The following SMG6 variants were observed in gnomAD, a reference collection of about 807,000 sequenced individuals.
The protein encoded by SMG6 is telomerase-binding protein EST1A.
In SMG6, 66 loss-of-function variants were observed where a neutral mutation model predicts 142.2. The observed-to-expected ratio is 0.46, with a 90% CI of 0.38 to 0.57. SMG6 has a LOEUF of 0.57. Among genes scored for constraint, SMG6 ranks in the 20% least tolerant of loss-of-function variants. The pLI, the probability that SMG6 is intolerant of heterozygous loss-of-function variation, is 0.00. For missense variants in SMG6, 1,793 were observed against 1,832.0 expected, an observed-to-expected ratio of 0.98 and a Z score of 0.39; for synonymous variants, 779 against 702.4, an observed-to-expected ratio of 1.11 and a Z score of -1.72.
intron 10 of SMG6, among the ~76,000 whole-genome samples, chr17:2,189,404 C>G (rs951954121): frequency 1.3e-5 from 2 of 152,166 alleles, no homozygotes; most frequent in Non-Finnish European, 2.9e-5. Context: ...TCGAGAGGAG[C>G]TGGTGACACA....
chr17:2,061,244 G>A lies in SMG6; in HGVS notation c.*248C>T, dbSNP rs2067765552. 2.3e-6 allele frequency: 1 copy of A among 442,700 alleles called. No individual in the cohort carries two copies. Among genetic ancestry groups the A allele is most frequent in the South Asian group, 2.6e-5 (1 of 39,104 alleles). 27.4% of individuals were successfully genotyped at this position (442,700 alleles called of 1,614,324 possible). A position where few individuals can be genotyped will look rare whatever the true frequency, so the allele number is the denominator to read the frequency against. On this transcript the variant is annotated 3_prime_UTR_variant, in exon 19 of 19. Coordinates refer to ENST00000263073, the MANE Select transcript of SMG6 (RefSeq NM_017575.5). ...TCTGGCTTGCCCAGCTGCTGTTGCT[G>A]TAGCCAGCCACCTCCCTGCTAAATC...
chr17:2,158,019 AACC>A (rs1173192658), intron 13 of SMG6, among the ~76,000 whole-genome samples: 2 of 152,236 alleles, frequency 1.3e-5, no homozygotes, highest in Non-Finnish European at 2.9e-5. Flanking sequence ...AAAGAAAAGA[AACC>A]ACAAGTAAGA....
At chr17:2,302,391 A>T (rs1316652112) in intron 1 of SMG6, among the ~76,000 whole-genome samples, 1 of 152,096 alleles carries the variant, frequency 6.6e-6, no homozygotes, top group African/African-American at 2.4e-5. Context: ...AATACAAAAA[A>T]TTAGCCAGGC....
intron 13 of SMG6, among the ~76,000 whole-genome samples, chr17:2,126,733 A>T (rs1352265064): frequency 6.6e-6 from 1 of 150,512 alleles, no homozygotes; most frequent in African/African-American, 2.4e-5. Flanking sequence ...AAAAAAAAAA[A>T]GCAAACTGGA....
intron 12 of SMG6, among the ~76,000 whole-genome samples, chr17:2,178,126 T>C (rs2071701367): frequency 6.6e-6 from 1 of 152,200 alleles, no homozygotes; most frequent in South Asian, 2.1e-4. Context: ...AGCCAAGATG[T>C]CATGCCAACT....
intron 8 of SMG6, among the ~76,000 whole-genome samples, chr17:2,250,636 A>G (rs939805935): frequency 5.3e-5 from 8 of 151,872 alleles, no homozygotes; most frequent in Non-Finnish European, 1.2e-4. Flanking sequence ...CCTCTGCCTC[A>G]CCCTCCTAAA....
intron 8 of SMG6, among the ~76,000 whole-genome samples, chr17:2,258,711 T>C (rs911177883): frequency 1.3e-4 from 20 of 151,038 alleles, no homozygotes; most frequent in Admixed American, 8.6e-4. Flanking sequence ...GTTGGGAGGA[T>C]TGCTTGAGCC....
At chr17:2,301,747 CAGG>C (rs1301152396) in intron 1 of SMG6, among the ~76,000 whole-genome samples, 1 of 152,146 alleles carries the variant, frequency 6.6e-6, no homozygotes, top group Non-Finnish European at 1.5e-5. Flanking sequence ...GAAGCTGAGG[CAGG>C]AGAATAGCGT....
At chr17:2,125,563 C>A (rs2069845792) in intron 13 of SMG6, among the ~76,000 whole-genome samples, 1 of 152,180 alleles carries the variant, frequency 6.6e-6, no homozygotes, top group East Asian at 1.9e-4. Context: ...TATTGTTAAG[C>A]TGACTACAGT....
intron 8 of SMG6, among the ~76,000 whole-genome samples, chr17:2,259,315 C>G (rs2074261119): frequency 1.3e-5 from 2 of 151,994 alleles, no homozygotes; most frequent in South Asian, 2.1e-4. Flanking sequence ...CATGCACCCT[C>G]AAATAGTATC....
chr17:2,240,045 C>T (rs569585573), intron 9 of SMG6: 14 of 152,176 alleles, frequency 9.2e-5, no homozygotes, highest in Non-Finnish European at 2.1e-4. Context: ...CTGCCTCTCA[C>T]CAGGAAAGGG....
chr17:2,303,113 T>C (rs1028882434), intron 1 of SMG6: 2 of 985,316 alleles, frequency 2.0e-6, no homozygotes, highest in Non-Finnish European at 2.4e-6. Flanking sequence ...CCGAGTAGTC[T>C]GAGGTCCCGG....
chr17:2,124,338 C>T (rs894556798), intron 13 of SMG6, among the ~76,000 whole-genome samples: 8 of 152,192 alleles, frequency 5.3e-5, no homozygotes, highest in African/African-American at 9.7e-5. Flanking sequence ...TCAGTTTTAG[C>T]GAACTGGCTA....
rs1467978394 is a variant in SMG6 at position 2,071,302 on chromosome 17, C to T, written c.3682-2371G>A. ...CTATGTGAACAGTCAGCTCCTAAGCCCTGGTACCATCCTACCTCTATTGCT... is the reference window on the plus strand; with the variant it reads ...CTATGTGAACAGTCAGCTCCTAAGCTCTGGTACCATCCTACCTCTATTGCT... On this transcript the variant is annotated intron_variant, in intron 15 of 18. Transcript: ENST00000263073. This position sits in a 1 kb window ranked among gnomAD's most constrained non-coding sequence, Gnocchi z 5.6. 1.3e-5 allele frequency among the ~76,000 whole-genome samples: 2 copies of T among 152,154 alleles called. No individual in the cohort carries two copies. The highest frequency in any genetic ancestry group is 2.4e-5 in the African/African-American group (1 of 41,444).
intron 1 of SMG6, among the ~76,000 whole-genome samples, chr17:2,302,571 T>G (rs1480973816): frequency 6.6e-6 from 1 of 152,120 alleles, no homozygotes; most frequent in Non-Finnish European, 1.5e-5. Context: ...ATAAAAAAGT[T>G]TTTAATCCTA....
intron 10 of SMG6, among the ~76,000 whole-genome samples, chr17:2,219,298 T>C (rs936406185): frequency 6.6e-6 from 1 of 151,960 alleles, no homozygotes; most frequent in African/African-American, 2.4e-5. Flanking sequence ...GGCAGGAGAA[T>C]AGCTTGAACC....
In SMG6 at chr17:2,300,365, G is replaced by C. The variant is rs138301573; in HGVS notation, c.388C>G (p.Arg130Gly). Residue 130 changes from arginine (R) to glycine (G), a missense_variant, in exon 2 of 19, where the codon CGT becomes GGT. Arg to Gly is a moderately radical substitution (Grantham distance 125). Coordinates refer to ENST00000263073, the MANE Select transcript of SMG6 (RefSeq NM_017575.5). ...GTTCTTTTGATAATTTTTAGACTACGATCCTCTTGTCCAGCAGTCCTAGGA... is the reference window on the plus strand; with the variant it reads ...GTTCTTTTGATAATTTTTAGACTACCATCCTCTTGTCCAGCAGTCCTAGGA... The part of the protein sequence containing the change: ...SFPRTAGQED[R>G]SLKIIKRTKK... The C allele has an allele frequency of 6.2e-7, 1 of 1,613,824 alleles. No homozygotes were observed. Among genetic ancestry groups the C allele is most frequent in the Non-Finnish European group, 8.5e-7 (1 of 1,180,032 alleles).
chr17:2,077,671 A>G (rs1268876181), intron 15 of SMG6, among the ~76,000 whole-genome samples: 1 of 152,118 alleles, frequency 6.6e-6, no homozygotes, highest in African/African-American at 2.4e-5. Flanking sequence ...TACCACTTTC[A>G]CTAAAAAAGT....
At chr17:2,242,298 G>T (rs753182777) in intron 9 of SMG6, among the ~76,000 whole-genome samples, 8 of 148,364 alleles carry the variant, frequency 5.4e-5, no homozygotes, top group East Asian at 2.0e-4. Flanking sequence ...GGACCACGAG[G>T]TCAGGAGATC....
Sources: allele counts gnomAD v4.1 joint callset (sites outside exome capture counted in the v4.1 genomes callset), GRCh38; gene constraint gnomAD v4.1.1; non-coding constraint Gnocchi (gnomAD v3.1); transcripts MANE v1.5; gene names NCBI Gene and HGNC (gene_info 2026-07-23, HGNC 2026-07-21).